Variants in PRKCE observed in about 807,000 individuals in gnomAD.
PRKCE encodes protein kinase C epsilon type.
PRKCE carries 16 observed loss-of-function variants against 85.4 expected under a neutral mutation model. That is an observed-to-expected ratio of 0.19 (90% CI 0.13 to 0.28). The LOEUF is 0.28. PRKCE is among the 10% of genes least tolerant of loss of function. PRKCE has a pLI of 1.00. For synonymous variants in PRKCE, 388 were observed against 371.5 expected, an observed-to-expected ratio of 1.04 and a Z score of -0.51; for missense variants, 573 against 975.2, an observed-to-expected ratio of 0.59 and a Z score of 5.49.
At chr2:46,149,320 G>A (rs77022564) in intron 12 of PRKCE, among the ~76,000 whole-genome samples, 13,122 of 151,924 alleles carry the variant, frequency 0.086, 749 homozygotes, top group Middle Eastern at 0.16. Context: ...TTTTTTCAGG[G>A]TCCTCAAAGT....
At chr2:45,692,107 G>C (rs1013425998) in intron 1 of PRKCE, among the ~76,000 whole-genome samples, 6 of 152,284 alleles carry the variant, frequency 3.9e-5, no homozygotes, top group African/African-American at 1.4e-4. Context: ...TCACCAAGAA[G>C]TTAATGAGTT....
intron 5 of PRKCE, among the ~76,000 whole-genome samples, chr2:45,982,816 T>A (rs1010140704): frequency 6.6e-5 from 10 of 152,226 alleles, no homozygotes; most frequent in African/African-American, 2.2e-4. Flanking sequence ...CGTAGCTCTT[T>A]CCACCCCCAC....
At position 46,010,606 on chromosome 2, in the gene PRKCE, C is replaced by T. The variant is rs1558955875; in HGVS notation, c.1437+89C>T. ...AATTTTAGACCCTCTACATTGTTCT[C>T]TCAAAGACTTTGTAAAGTGGGATGG... is the stretch of plus-strand genomic sequence containing the variant. On this transcript the variant is annotated intron_variant, in intron 10 of 14. Transcript: ENST00000306156. The T allele has an allele frequency of 3.8e-6, 6 of 1,599,028 alleles. No homozygotes were observed. The East Asian group carries it at 6.7e-5, about 18-fold the overall frequency.
intron 2 of PRKCE, among the ~76,000 whole-genome samples, chr2:45,876,937 A>C (rs909640456): frequency 6.6e-6 from 1 of 152,178 alleles, no homozygotes; most frequent in Non-Finnish European, 1.5e-5. Context: ...TTCTTCATTT[A>C]CTAGTTTGAA....
intron 2 of PRKCE, among the ~76,000 whole-genome samples, chr2:45,918,025 C>T (rs1440763570): frequency 2.6e-5 from 4 of 152,248 alleles, no homozygotes; most frequent in South Asian, 2.1e-4. Context: ...GCTAGCGCCG[C>T]GCGCAGCCCC....
chr2:45,781,183 T>TA (rs374687678), intron 1 of PRKCE, among the ~76,000 whole-genome samples: 80 of 129,648 alleles, frequency 6.2e-4, no homozygotes, highest in Middle Eastern at 3.7e-3. Flanking sequence ...AAAATAATAA[T>TA]AAAAAAAAAA....
Position 45,738,762 on chromosome 2 carries a change from G to A in PRKCE, c.348+86314G>A, listed in dbSNP as rs543033188. ...TTGCTTTTAACCTTACAGTTATTGG[G>A]CATTAAGATATGACAGCTCTTAAAA... On this transcript the variant is annotated intron_variant, in intron 1 of 14. Coordinates refer to ENST00000306156, the MANE Select transcript of PRKCE (RefSeq NM_005400.3). 2.2e-4 allele frequency among the ~76,000 whole-genome samples: 34 copies of A among 152,262 alleles called. 1 individual carries two copies. The highest frequency in any genetic ancestry group is 7.7e-4 in the African/African-American group (32 of 41,544).
At chr2:46,032,934 T>C (rs1254965851) in intron 10 of PRKCE, among the ~76,000 whole-genome samples, 2 of 152,124 alleles carry the variant, frequency 1.3e-5, no homozygotes, top group East Asian at 3.9e-4. Context: ...CATCATGGAC[T>C]GGAAACACGG....
At chr2:45,816,506 A>G (rs1445900758) in intron 1 of PRKCE, among the ~76,000 whole-genome samples, 1 of 152,170 alleles carries the variant, frequency 6.6e-6, no homozygotes, top group African/African-American at 2.4e-5. Flanking sequence ...TTTTTGTGTC[A>G]ACTAGGGAGC....
chr2:46,031,525 A>T (rs1412120368), intron 10 of PRKCE, among the ~76,000 whole-genome samples: 2 of 151,978 alleles, frequency 1.3e-5, no homozygotes, highest in Admixed American at 1.3e-4. Context: ...CAAAAGTCTT[A>T]TCTCCCAAAA....
At chr2:45,755,035 C>T (rs1018904311) in intron 1 of PRKCE, among the ~76,000 whole-genome samples, 9 of 152,156 alleles carry the variant, frequency 5.9e-5, no homozygotes, top group East Asian at 1.9e-4. Context: ...GTAATGTGGC[C>T]GGGCCTTGGC....
At chr2:45,737,014 A>G (rs897154399) in intron 1 of PRKCE, among the ~76,000 whole-genome samples, 1 of 152,214 alleles carries the variant, frequency 6.6e-6, no homozygotes, top group African/African-American at 2.4e-5. Flanking sequence ...TGCCGCCTTC[A>G]GGAGATGGAC....
chr2:45,905,365 T>G lies in PRKCE; in HGVS notation c.412+62302T>G, dbSNP rs1000726812. Among the ~76,000 whole-genome samples the G allele has an allele frequency of 2.6e-5, 4 of 152,242 alleles. No individual in the cohort carries two copies. Among genetic ancestry groups the G allele is most frequent in the Non-Finnish European group, 4.4e-5 (3 of 68,034 alleles). On this transcript the variant is annotated intron_variant, in intron 2 of 14. Coordinates refer to ENST00000306156, the MANE Select transcript of PRKCE (RefSeq NM_005400.3). This position sits in a 1 kb window ranked among gnomAD's most constrained non-coding sequence, Gnocchi z 4.4. The stretch of plus-strand genomic sequence containing the variant: ...AGTCCATTAGATTCCACAATCAATA[T>G]CCAGCTTCTAAACATTATACATATT...
At chr2:45,892,784 C>T (rs1406020161) in intron 2 of PRKCE, among the ~76,000 whole-genome samples, 4 of 152,232 alleles carry the variant, frequency 2.6e-5, no homozygotes, top group Admixed American at 2.0e-4. Context: ...TTACCCGACA[C>T]ACACTGATAG....
chr2:46,171,864 C>G (rs903279762), intron 14 of PRKCE, among the ~76,000 whole-genome samples: 1 of 152,192 alleles, frequency 6.6e-6, no homozygotes, highest in Non-Finnish European at 1.5e-5. Context: ...GAAAAGACAC[C>G]TCAGACTGAG....
At chr2:45,949,672 T>G (rs1180592652) in intron 2 of PRKCE, among the ~76,000 whole-genome samples, 1 of 152,074 alleles carries the variant, frequency 6.6e-6, no homozygotes, top group Non-Finnish European at 1.5e-5. Flanking sequence ...AAAGTTTTTA[T>G]GTTTTGCTTT....
At chr2:46,056,802 T>C (rs1666623092) in intron 10 of PRKCE, among the ~76,000 whole-genome samples, 3 of 152,224 alleles carry the variant, frequency 2.0e-5, no homozygotes, top group Non-Finnish European at 2.9e-5. Context: ...TTTTTTTAAG[T>C]AGTGAATCAT....
At chr2:45,674,289 C>G (rs776630795) in intron 1 of PRKCE, among the ~76,000 whole-genome samples, 1 of 152,040 alleles carries the variant, frequency 6.6e-6, no homozygotes, top group East Asian at 1.9e-4. Flanking sequence ...GGTAGATGGC[C>G]GTAATGAGAT....
At position 46,038,948 on chromosome 2, in the gene PRKCE, C is replaced by G. The variant is rs151287622; in HGVS notation, c.1437+28431C>G. 5.0e-3 allele frequency among the ~76,000 whole-genome samples: 759 copies of G among 152,260 alleles called. 9 individuals are homozygous for G. The highest frequency in any genetic ancestry group is 0.025 in the South Asian group (120 of 4,826). On this transcript the variant is annotated intron_variant, in intron 10 of 14. Transcript: ENST00000306156. ...AACATTTGAAGCGCCAATATAGTTC[C>G]TGGCTGAAAATGTCTTTTAGATGTA...
Sources: gnomAD v4.1 joint callset for allele counts (sites outside exome capture counted in the v4.1 genomes callset) on GRCh38, gnomAD v4.1.1 for gene constraint, Gnocchi (gnomAD v3.1) non-coding constraint, MANE v1.5 for transcripts, NCBI Gene and HGNC (gene_info 2026-07-23, HGNC 2026-07-21) for gene names.